ERBIN: variants seen among roughly 807,000 people sequenced by gnomAD.
The protein encoded by ERBIN is erbb2 interacting protein.
ERBIN carries 60 observed loss-of-function variants against 158.4 expected under a neutral mutation model. The ratio of observed to expected loss-of-function variants is 0.38; its 90% CI spans 0.31 to 0.47. The LOEUF (loss-of-function observed/expected upper bound fraction) is 0.47. ERBIN is among the 20% of genes least tolerant of loss of function. The probability of loss-of-function intolerance (pLI) is 0.99; values close to 1 mark genes in which losing one functional copy is unlikely to be tolerated. For missense variants in ERBIN, 1,610 were observed against 1,648.0 expected, an observed-to-expected ratio of 0.98 and a Z score of 0.40; for synonymous variants, 594 against 557.2, an observed-to-expected ratio of 1.07 and a Z score of -0.93.
rs1345965025 is a variant in ERBIN, at chr5:66,054,583, G to T, written c.3265G>T (p.Gly1089Cys). The change falls in exon 21 of 26, where the codon GGT becomes TGT. Residue 1089 changes from glycine (G) to cysteine (C), a missense_variant. Gly to Cys is a radical substitution (Grantham distance 159, BLOSUM62 -3). This residue lies in a region of ERBIN where 1,014 missense variants were observed against 936.1 expected (regional missense o/e 1.08). Coordinates refer to ENST00000284037, the MANE Select transcript of ERBIN (RefSeq NM_001253697.2). ...GTCCTCCACAGCCTCTGTAAATCTT[G>T]GTGATCCAGGCTCTACAAGGCGGGC... is the stretch of plus-strand genomic sequence containing the variant. ...SVSSTASVNL[G>C]DPGSTRRAQI... 3.7e-6 allele frequency: 6 copies of T among 1,613,962 alleles called. No individual in the cohort carries two copies. The highest frequency in any genetic ancestry group is 5.1e-6 in the Non-Finnish European group (6 of 1,180,010).
rs200613370 is a variant in ERBIN at position 66,012,148 on chromosome 5, T to C, written c.386+21T>C. ...TCCAAGTAAGTTCTCAGGTGAATTA[T>C]AAATTACTTTTGTGAATAAAACAAT... On this transcript the variant is annotated intron_variant, in intron 5 of 25. Coordinates refer to ENST00000284037, the MANE Select transcript of ERBIN (RefSeq NM_001253697.2). 3.7e-5 allele frequency: 55 copies of C among 1,490,844 alleles called. No individual in the cohort carries two copies. In the East Asian group the frequency reaches 1.2e-3, roughly 34 times the overall value. The allele number at this position is 1,490,844 out of a possible 1,614,324, so 92.4% of individuals were successfully genotyped here. A position where few individuals can be genotyped will look rare whatever the true frequency, so the allele number is the denominator to read the frequency against.
chr5:66,055,042 A>T (rs1263217809), intron 21 of ERBIN, 91 bp downstream of exon 21: 16 of 1,437,956 alleles, frequency 1.1e-5, no homozygotes, highest in Non-Finnish European at 1.5e-5. Flanking sequence ...ATTACTGATT[A>T]TCTCTTTATA....
intron 4 of ERBIN, among the ~76,000 whole-genome samples, chr5:66,009,416 A>G (rs1753965650): frequency 6.6e-6 from 1 of 152,252 alleles, no homozygotes; most frequent in Non-Finnish European, 1.5e-5. Flanking sequence ...CATTTGTTGT[A>G]CAAAGGTACA....
Position 66,053,444 on chromosome 5 carries a change from G to C in ERBIN, c.2126G>C (p.Gly709Ala). 1.3e-6 allele frequency: 2 copies of C among 1,504,492 alleles called. No individual in the cohort carries two copies. Among genetic ancestry groups the C allele is most frequent in the Non-Finnish European group, 1.8e-6 (2 of 1,128,508 alleles). 93.2% of individuals were successfully genotyped at this position (1,504,492 alleles called of 1,614,324 possible). A position where few individuals can be genotyped will look rare whatever the true frequency, so the allele number is the denominator to read the frequency against. Reference protein sequence around the residue: ...DENFNSLLQNGDILNSSTEEK... With the variant: ...DENFNSLLQNADILNSSTEEK... The stretch of plus-strand genomic sequence containing the variant: ...AATTTTAACAGCCTTTTACAAAATG[G>C]AGATATTTTAAACAGTTCAACAGAG... Residue 709 changes from glycine (G) to alanine (A), a missense_variant, in exon 21 of 26, where the codon GGA (glycine) becomes GCA (alanine). Physicochemically the swap from Gly to Ala is moderately conservative, Grantham distance 60 (BLOSUM62 0). This residue lies in a region of ERBIN where 1,014 missense variants were observed against 936.1 expected (regional missense o/e 1.08). Coordinates refer to ENST00000284037, the MANE Select transcript of ERBIN (RefSeq NM_001253697.2).
chr5:65,991,608 AC>A (rs1244412188), intron 2 of ERBIN, among the ~76,000 whole-genome samples: 7 of 152,192 alleles, frequency 4.6e-5, no homozygotes, highest in African/African-American at 7.2e-5. Flanking sequence ...CGATTTTTAA[AC>A]TTTTATTTCT....
chr5:66,023,434 T>A, intron 9 of ERBIN, 70 bp downstream of exon 9: 1 of 890,516 alleles, frequency 1.1e-6, no homozygotes, highest in Non-Finnish European at 1.7e-6. Flanking sequence ...GAATTGTACC[T>A]TTTATAATTA....
intron 1 of ERBIN, among the ~76,000 whole-genome samples, chr5:65,974,776 G>T (rs2150995503): frequency 6.6e-6 from 1 of 152,312 alleles, no homozygotes; most frequent in East Asian, 1.9e-4. Flanking sequence ...AGTATATATA[G>T]AAAAGAAAGC....
chr5:65,966,953 A>G (rs961273581), intron 1 of ERBIN, among the ~76,000 whole-genome samples: 2 of 152,070 alleles, frequency 1.3e-5, no homozygotes, highest in African/African-American at 4.8e-5. Context: ...TTTCTTTTAA[A>G]TAGGAAGAAA....
chr5:65,992,674 GTA>G (rs1752004620), intron 2 of ERBIN, 34 bp from the exon 3 acceptor site: 2 of 1,460,124 alleles, frequency 1.4e-6, no homozygotes, highest in East Asian at 4.6e-5. Flanking sequence ...GTTGTAATAT[GTA>G]TGTTTTAAAT....
rs986930042 is a variant in ERBIN, at chr5:66,072,377, T to C, written c.3756+86T>C. 8 of 1,331,268 alleles carry C rather than the reference T, an allele frequency of 6.0e-6. No individual in the cohort carries two copies. The Admixed American group carries it at 2.2e-4, about 37-fold the overall frequency. The allele number at this position is 1,331,268 out of a possible 1,614,324, so 82.5% of individuals were successfully genotyped here. ...GACTAGATATTATATGTGCTTTAGA[T>C]GAAAATACTTTTTTGAGGGCTTTCC... On this transcript the variant is annotated intron_variant, in intron 22 of 25. Coordinates refer to ENST00000284037, the MANE Select transcript of ERBIN (RefSeq NM_001253697.2).
chr5:65,928,706 C>G (rs997989446), intron 1 of ERBIN, among the ~76,000 whole-genome samples: 1 of 151,794 alleles, frequency 6.6e-6, no homozygotes, highest in Non-Finnish European at 1.5e-5. Context: ...TTTTTTTTCT[C>G]CTCAACAAGG....
chr5:65,988,025 TATA>T (rs558657740), intron 1 of ERBIN, among the ~76,000 whole-genome samples: 134 of 152,290 alleles, frequency 8.8e-4, no homozygotes, highest in Non-Finnish European at 1.6e-3. Context: ...AGAGTATTTA[TATA>T]ATGAGGGCTC....
At chr5:65,985,116 C>T (rs370911636) in intron 1 of ERBIN, among the ~76,000 whole-genome samples, 6 of 152,146 alleles carry the variant, frequency 3.9e-5, no homozygotes, top group Admixed American at 6.5e-5. Flanking sequence ...TGGCTTGAGA[C>T]GGAGTCTCGG....
chr5:66,063,661 C>T (rs1008197510), intron 21 of ERBIN, among the ~76,000 whole-genome samples: 7 of 152,144 alleles, frequency 4.6e-5, no homozygotes, highest in Admixed American at 1.3e-4. Context: ...TGGACCTGTT[C>T]CTATTCGGCC....
At chr5:66,027,245 A>G (rs768931670) in intron 13 of ERBIN, among the ~76,000 whole-genome samples, 26 of 151,990 alleles carry the variant, frequency 1.7e-4, no homozygotes, top group African/African-American at 2.9e-4. Flanking sequence ...TTTAAACTCA[A>G]TTTTCTGACT....
At chr5:65,956,831 A>G (rs1747201002) in intron 1 of ERBIN, among the ~76,000 whole-genome samples, 1 of 152,130 alleles carries the variant, frequency 6.6e-6, no homozygotes, top group African/African-American at 2.4e-5. Context: ...TCTGGTGAAC[A>G]CTTTAATAAT....
chr5:66,069,018 C>T (rs193079839), intron 21 of ERBIN: 33 of 1,531,950 alleles, frequency 2.2e-5, no homozygotes, highest in Admixed American at 2.0e-4. Context: ...GCACATTTTT[C>T]GAGTGAGTAC....
At chr5:65,985,856 A>G (rs905785142) in intron 1 of ERBIN, among the ~76,000 whole-genome samples, 4 of 152,328 alleles carry the variant, frequency 2.6e-5, no homozygotes, top group Non-Finnish European at 4.4e-5. Context: ...AAGATAATCA[A>G]TGACTTTCAC....
In ERBIN at chr5:66,038,418, T is replaced by G; in HGVS notation, c.1242T>G (p.Asp414Glu). 2.5e-6 allele frequency: 4 copies of G among 1,612,286 alleles called. No homozygotes were observed. Among genetic ancestry groups the G allele is most frequent in the Non-Finnish European group, 3.4e-6 (4 of 1,178,830 alleles). ...KPLIPLQKET[D>E]SETQKMVLTN... ...TGATACCTCTTCAAAAAGAAACTGA[T>G]TCAGAGACCCAGAAAATGGTGCTTA... is the stretch of plus-strand genomic sequence containing the variant. Residue 414 changes from aspartate to glutamate, a missense_variant, in exon 15 of 26, where the codon GAT (aspartate) becomes GAG (glutamate). Physicochemically the swap from Asp to Glu is conservative, Grantham distance 45. Coordinates refer to ENST00000284037, the MANE Select transcript of ERBIN (RefSeq NM_001253697.2).
Sources: allele counts gnomAD v4.1 joint callset (sites outside exome capture counted in the v4.1 genomes callset), GRCh38; gene constraint gnomAD v4.1.1; regional missense constraint gnomAD v4.1.1; transcripts MANE v1.5; gene names NCBI Gene and HGNC (gene_info 2026-07-23, HGNC 2026-07-21).